The following YES1 variants were observed in gnomAD, a reference collection of about 807,000 sequenced individuals.
YES1 encodes the protein tyrosine-protein kinase Yes.
A neutral mutation model predicts 70.4 loss-of-function variants in YES1; 39 were observed. The ratio of observed to expected loss-of-function variants is 0.55; its 90% CI spans 0.43 to 0.72. The LOEUF (loss-of-function observed/expected upper bound fraction) is 0.72, where lower values mean the gene tolerates loss of function less well. YES1 is among the 30% of genes least tolerant of loss of function. The pLI is 0.00. For synonymous variants in YES1, 198 were observed against 218.6 expected (o/e 0.91, Z 0.83); for missense variants, 495 against 644.8 (o/e 0.77, Z 2.52).
intron 11 of YES1, among the ~76,000 whole-genome samples, chr18:728,322 C>A (rs75872765): frequency 2.7e-4 from 39 of 145,722 alleles, no homozygotes; most frequent in East Asian, 4.0e-4. Context: ...GACCCTGTCT[C>A]AAAAAAAAAA....
intron 1 of YES1, among the ~76,000 whole-genome samples, chr18:780,916 C>G (rs1417205198): frequency 2.0e-5 from 3 of 152,138 alleles, no homozygotes; most frequent in African/African-American, 4.8e-5. Flanking sequence ...TAATTATGAG[C>G]CTTTGATGGT....
At chr18:734,817 G>A (rs2080133321) in intron 10 of YES1, among the ~76,000 whole-genome samples, 1 of 152,080 alleles carries the variant, frequency 6.6e-6, no homozygotes, top group East Asian at 1.9e-4. Flanking sequence ...ACGAAAAGCA[G>A]AACTACCATT....
intron 1 of YES1, among the ~76,000 whole-genome samples, chr18:757,088 A>G (rs919495748): frequency 1.3e-5 from 2 of 152,238 alleles, no homozygotes; most frequent in Admixed American, 6.5e-5. Context: ...AACATGCCAC[A>G]GTATATTGGG....
intron 1 of YES1, among the ~76,000 whole-genome samples, chr18:758,636 T>G (rs1174133521): frequency 6.6e-6 from 1 of 152,222 alleles, no homozygotes; most frequent in Non-Finnish European, 1.5e-5. Context: ...CATTCAGGCT[T>G]TCCTTATAAT....
intron 1 of YES1, among the ~76,000 whole-genome samples, chr18:757,921 T>C (rs996467934): frequency 2.6e-5 from 4 of 151,738 alleles, no homozygotes; most frequent in Non-Finnish European, 5.9e-5. Context: ...GAGAAAAACC[T>C]ACCTCATAAG....
chr18:793,976 A>G (rs1055322379), intron 1 of YES1, among the ~76,000 whole-genome samples: 14 of 152,170 alleles, frequency 9.2e-5, no homozygotes, highest in Admixed American at 7.9e-4. Context: ...CAACTACTAA[A>G]CTTGGAGTAA....
chr18:790,372 G>A (rs1906184620), intron 1 of YES1, among the ~76,000 whole-genome samples: 5 of 152,318 alleles, frequency 3.3e-5, no homozygotes, highest in East Asian at 1.9e-4. Flanking sequence ...GTAAAACTCC[G>A]TCTCAGAGCT....
chr18:766,727 G>A (rs1568205704), intron 1 of YES1, among the ~76,000 whole-genome samples: 1 of 151,966 alleles, frequency 6.6e-6, no homozygotes, highest in African/African-American at 2.4e-5. Context: ...CTTTGGTGAC[G>A]TGACTGTTCA....
intron 1 of YES1, among the ~76,000 whole-genome samples, chr18:764,075 A>G (rs572103851): frequency 1.1e-3 from 169 of 150,602 alleles, no homozygotes; most frequent in African/African-American, 3.7e-3. Flanking sequence ...AGCCGAGATC[A>G]CACCACTGCA....
At chr18:748,047 A>C in intron 3 of YES1, 29 bp from the exon 4 acceptor site, 1 of 1,594,528 alleles carries the variant, frequency 6.3e-7, no homozygotes, top group East Asian at 2.2e-5. Flanking sequence ...CAATCACCGC[A>C]AGGTAGACTA....
chr18:726,973 G>C (rs1376575207), intron 11 of YES1, among the ~76,000 whole-genome samples: 1 of 151,962 alleles, frequency 6.6e-6, no homozygotes, highest in Non-Finnish European at 1.5e-5. Context: ...GCAATGGATC[G>C]GTCCACGCTA....
chr18:739,437 A>G (rs1218055570), intron 9 of YES1: 1 of 211,290 alleles, frequency 4.7e-6, no homozygotes, highest in East Asian at 1.0e-4. Flanking sequence ...TGTCTACAAA[A>G]AAAATAATTT....
At chr18:740,200 A>C (rs1209625321) in intron 8 of YES1, among the ~76,000 whole-genome samples, 1 of 152,216 alleles carries the variant, frequency 6.6e-6, no homozygotes, top group Non-Finnish European at 1.5e-5. Context: ...ATAGGTAGCT[A>C]AATGAGTCGC....
At chr18:780,437 A>C (rs1905602114) in intron 1 of YES1, among the ~76,000 whole-genome samples, 1 of 152,090 alleles carries the variant, frequency 6.6e-6, no homozygotes, top group South Asian at 2.1e-4. Flanking sequence ...AGCTTAGCAC[A>C]ATAGCACACT....
chr18:800,088 A>G (rs1275321), intron 1 of YES1, among the ~76,000 whole-genome samples: 24,095 of 152,248 alleles, frequency 0.16, 2,369 homozygotes, highest in South Asian at 0.22. Flanking sequence ...TAGAATGCTT[A>G]TTTGAAATTC....
intron 1 of YES1, among the ~76,000 whole-genome samples, chr18:789,881 G>A (rs569526237): frequency 5.0e-4 from 76 of 151,992 alleles, no homozygotes; most frequent in African/African-American, 1.6e-3. Flanking sequence ...TCAACGTGGT[G>A]AAACCCCGTC....
chr18:771,243 T>C (rs896803739), intron 1 of YES1, among the ~76,000 whole-genome samples: 11 of 152,142 alleles, frequency 7.2e-5, no homozygotes, highest in Admixed American at 2.6e-4. Flanking sequence ...GGTGCATGCC[T>C]GTAATCCCAG....
intron 11 of YES1, among the ~76,000 whole-genome samples, chr18:731,149 C>G (rs1165672717): frequency 6.6e-6 from 1 of 152,030 alleles, no homozygotes; most frequent in Non-Finnish European, 1.5e-5. Context: ...AAAGTAGATG[C>G]ATGAAATAGA....
At chr18:768,994 G>A (rs989628146) in intron 1 of YES1, among the ~76,000 whole-genome samples, 3 of 152,120 alleles carry the variant, frequency 2.0e-5, no homozygotes, top group Non-Finnish European at 1.5e-5. Context: ...GAGCCACTGT[G>A]CCTGGCCCTA....
Sources: allele counts gnomAD v4.1 joint callset (sites outside exome capture counted in the v4.1 genomes callset), GRCh38; gene constraint gnomAD v4.1.1; transcripts MANE v1.5; gene names NCBI Gene and HGNC (gene_info 2026-07-23, HGNC 2026-07-21).